Variants in CACNA1D observed in about 807,000 individuals in gnomAD.
CACNA1D encodes calcium voltage-gated channel subunit alpha1 D, also known as voltage-dependent L-type calcium channel subunit alpha-1D.
In CACNA1D, 55 loss-of-function variants were observed where a neutral mutation model predicts 257.1. The observed-to-expected ratio is 0.21, with a 90% confidence interval of 0.17 to 0.27. The LOEUF (loss-of-function observed/expected upper bound fraction) is 0.27, where lower values mean the gene tolerates loss of function less well. CACNA1D is among the 10% of genes least tolerant of loss of function. The pLI is 1.00. For missense variants in CACNA1D, 1,876 were observed against 2,784.0 expected, an observed-to-expected ratio of 0.67 and a Z score of 7.34; for synonymous variants, 980 against 1,014.9, an observed-to-expected ratio of 0.97 and a Z score of 0.65.
chr3:53,636,270 T>A (rs537462575), intron 3 of CACNA1D, among the ~76,000 whole-genome samples: 1 of 152,242 alleles, frequency 6.6e-6, no homozygotes, highest in Non-Finnish European at 1.5e-5. Context: ...CAAGCACACA[T>A]AAATGTCATC....
chr3:53,543,158 A>T (rs2092340654), intron 3 of CACNA1D, among the ~76,000 whole-genome samples: 1 of 151,328 alleles, frequency 6.6e-6, no homozygotes, highest in East Asian at 1.9e-4. Flanking sequence ...ATAAATGAAG[A>T]AGTCAATCGG....
At chr3:53,500,486 T>C (rs2107115932) in intron 2 of CACNA1D, among the ~76,000 whole-genome samples, 1 of 152,154 alleles carries the variant, frequency 6.6e-6, no homozygotes, top group Admixed American at 6.5e-5. Flanking sequence ...ATTTGTTTCC[T>C]GTGGCATTTT....
intron 9 of CACNA1D, 38 bp downstream of exon 9, chr3:53,702,848 C>T (rs1335646887): frequency 1.9e-6 from 3 of 1,611,690 alleles, no homozygotes; most frequent in African/African-American, 2.7e-5. Context: ...TAGACAGACC[C>T]AGTGTGCGGT....
chr3:53,799,576 A>T (rs1390327774), intron 40 of CACNA1D, among the ~76,000 whole-genome samples: 1 of 151,878 alleles, frequency 6.6e-6, no homozygotes, highest in Middle Eastern at 3.2e-3. Flanking sequence ...CAAAAAGCGG[A>T]CCCCCTGTTG....
chr3:53,639,390 CTT>C (rs749259940), intron 3 of CACNA1D, among the ~76,000 whole-genome samples: 14 of 144,472 alleles, frequency 9.7e-5, no homozygotes, highest in East Asian at 2.0e-4. Context: ...CTCTCTCTCT[CTT>C]TTTTTTTTTT....
intron 3 of CACNA1D, among the ~76,000 whole-genome samples, chr3:53,509,434 C>A (rs555947865): frequency 1.3e-5 from 2 of 152,268 alleles, no homozygotes; most frequent in South Asian, 4.2e-4. Flanking sequence ...CCAGACACTG[C>A]CTGGGCTGGA....
chr3:53,665,362 A>G (rs935300822), intron 5 of CACNA1D, among the ~76,000 whole-genome samples: 4 of 152,120 alleles, frequency 2.6e-5, no homozygotes, highest in African/African-American at 7.2e-5. Flanking sequence ...TGTTTAAGAG[A>G]TTTTGTCAGA....
intron 5 of CACNA1D, 147 bp downstream of exon 5, chr3:53,660,422 A>T: frequency 1.3e-6 from 1 of 743,134 alleles, no homozygotes. Flanking sequence ...TTGACAGGAC[A>T]CTTTGGCTTG....
At chr3:53,736,099 G>C (rs188801489) in intron 20 of CACNA1D, among the ~76,000 whole-genome samples, 1 of 152,270 alleles carries the variant, frequency 6.6e-6, no homozygotes, top group Non-Finnish European at 1.5e-5. Flanking sequence ...CCAGTGCTTT[G>C]GGGGATAGAG....
intron 3 of CACNA1D, among the ~76,000 whole-genome samples, chr3:53,593,705 G>C (rs1331532032): frequency 6.6e-6 from 1 of 152,216 alleles, no homozygotes; most frequent in Non-Finnish European, 1.5e-5. Context: ...AGTGTGGGAA[G>C]AGCAGTGCTC....
At chr3:53,671,403 G>A (rs1231962026) in intron 7 of CACNA1D, among the ~76,000 whole-genome samples, 1 of 152,218 alleles carries the variant, frequency 6.6e-6, no homozygotes, top group African/African-American at 2.4e-5. Context: ...AGCCCAGGTG[G>A]GGCTCTGTCT....
At position 53,810,205 on chromosome 3, in the gene CACNA1D, C is replaced by T; in HGVS notation, c.6099C>T (p.Tyr2033=). ...ACACAGACGAGCCCGACATCTCCTA[C>T]CGGACTTTCACACCAGCCAGCCTGA... is the stretch of plus-strand genomic sequence containing the variant. ...SWYTDEPDIS[Y]RTFTPASLTV... is the part of the protein sequence containing the mutation. Residue 2033 remains tyrosine (Y), a synonymous_variant, in exon 47 of 48, where the codon TAC becomes TAT. Coordinates refer to ENST00000350061, the MANE Select transcript of CACNA1D (RefSeq NM_001128840.3). 3 of 1,614,002 alleles carry T rather than the reference C, an allele frequency of 1.9e-6. No individual in the cohort carries two copies. Among genetic ancestry groups the T allele is most frequent in the Non-Finnish European group, 2.5e-6 (3 of 1,180,036 alleles).
At chr3:53,719,031 G>C (rs2248381) in intron 10 of CACNA1D, among the ~76,000 whole-genome samples, 1 of 151,162 alleles carries the variant, frequency 6.6e-6, no homozygotes, top group African/African-American at 2.4e-5. Context: ...CTGGCGGGGG[G>C]GCTGGGGGGG....
chr3:53,511,953 A>G (rs1216639831), intron 3 of CACNA1D, among the ~76,000 whole-genome samples: 1 of 152,210 alleles, frequency 6.6e-6, no homozygotes, highest in East Asian at 1.9e-4. Flanking sequence ...ATATTTTTAA[A>G]AATAAGAAAT....
intron 2 of CACNA1D, among the ~76,000 whole-genome samples, chr3:53,497,797 T>C (rs969875945): frequency 6.6e-6 from 1 of 152,172 alleles, no homozygotes; most frequent in African/African-American, 2.4e-5. Flanking sequence ...TTCAGTGTTG[T>C]CTTTGGGCAA....
chr3:53,749,080 C>T, intron 26 of CACNA1D, 188 bp from the exon 27 acceptor site: 3 of 700,616 alleles, frequency 4.3e-6, no homozygotes, highest in Non-Finnish European at 7.8e-6. Context: ...GTGCCCCCTC[C>T]TCTTAGTGCT....
intron 3 of CACNA1D, among the ~76,000 whole-genome samples, chr3:53,581,421 A>C (rs539685118): frequency 6.6e-6 from 1 of 152,166 alleles, no homozygotes; most frequent in African/African-American, 2.4e-5. Context: ...TACCTCTCCT[A>C]GGCAGGTACA....
At chr3:53,709,379 C>T (rs534858863) in intron 9 of CACNA1D, among the ~76,000 whole-genome samples, 1 of 152,264 alleles carries the variant, frequency 6.6e-6, no homozygotes, top group African/African-American at 2.4e-5. Context: ...GGATTTGAAC[C>T]CAAGCTCTGC....
intron 3 of CACNA1D, among the ~76,000 whole-genome samples, chr3:53,570,660 A>T (rs1005561800): frequency 1.3e-5 from 2 of 152,248 alleles, no homozygotes; most frequent in Non-Finnish European, 2.9e-5. Flanking sequence ...ATGCAAACAT[A>T]CACATCCGTG....
Sources: allele counts gnomAD v4.1 joint callset (sites outside exome capture counted in the v4.1 genomes callset), GRCh38; gene constraint gnomAD v4.1.1; transcripts MANE v1.5; gene names NCBI Gene and HGNC (gene_info 2026-07-23, HGNC 2026-07-21).